Variants in GPR108 observed in about 807,000 individuals in gnomAD.
GPR108 encodes protein GPR108.
In GPR108, 60 loss-of-function variants were observed where a neutral mutation model predicts 74.3. The ratio of observed to expected loss-of-function variants is 0.81; its 90% CI spans 0.66 to 1.00. The LOEUF (loss-of-function observed/expected upper bound fraction) is 1.00. Among genes scored for constraint, GPR108 ranks in the 50% least tolerant of loss-of-function variants. The pLI, the probability that GPR108 is intolerant of heterozygous loss-of-function variation, is 0.00. For missense variants in GPR108, 667 were observed against 703.3 expected (o/e 0.95, Z 0.58); for synonymous variants, 311 against 292.4 (o/e 1.06, Z -0.65).
chr19:6,737,480 G>C lies in GPR108; in HGVS notation c.97C>G (p.Arg33Gly), dbSNP rs1231014849. The part of the protein sequence containing the change: ...LVLLLGGCSG[R>G]IHQLALTGEK... ...ACCGTCAGCGCCAGCTGGTGGATGC[G>C]CCCGGAGCAGCCACCCAGCAGCAGC... is the stretch of plus-strand genomic sequence containing the variant. Residue 33 changes from arginine to glycine, a missense_variant, in exon 1 of 18, where the codon CGC becomes GGC. Transcript: ENST00000264080. The C allele has an allele frequency of 1.3e-6, 2 of 1,586,360 alleles. No individual in the cohort carries two copies.
intron 2 of GPR108, among the ~76,000 whole-genome samples, chr19:6,736,346 C>CT (rs1461474852): frequency 6.6e-6 from 1 of 152,226 alleles, no homozygotes; most frequent in East Asian, 1.9e-4. Context: ...ATCCTCCCAC[C>CT]TTGGCCTCCC....
intron 17 of GPR108, chr19:6,730,657 A>AT (rs1764142339): frequency 3.6e-5 from 13 of 362,942 alleles, no homozygotes; most frequent in South Asian, 3.1e-4. Context: ...CCTTACTGCC[A>AT]TAGCAGCCCA....
intron 1 of GPR108, 180 bp from the exon 2 acceptor site, chr19:6,736,891 A>G: frequency 2.5e-6 from 2 of 789,284 alleles, no homozygotes; most frequent in Non-Finnish European, 3.9e-6. Context: ...GTGGTCCTGC[A>G]TTCTCCGACC....
At position 6,736,639 on chromosome 19, in the gene GPR108, T is replaced by C; in HGVS notation, c.193A>G (p.Ser65Gly). The stretch of plus-strand genomic sequence containing the variant: ...TCCCGGAGGCCCAGCCGCAGGACGC[T>C]CAACTCCACCTCCAGAGAGCCATTG... ...YTNGSLEVEL[S>G]VLRLGLREAE... is the part of the protein sequence containing the mutation. The change falls in exon 2 of 18, where the codon AGC becomes GGC. Residue 65 changes from serine (S) to glycine (G), a missense_variant. By Grantham distance (56) the Ser-to-Gly change is moderately conservative (BLOSUM62 0). Coordinates refer to ENST00000264080, the MANE Select transcript of GPR108 (RefSeq NM_001080452.2). The C allele has an allele frequency of 6.2e-7, 1 of 1,614,052 alleles. No individual in the cohort carries two copies.
Position 6,730,273 on chromosome 19 carries a change from TG to T in GPR108, c.*38del. On this transcript the variant is annotated 3_prime_UTR_variant, in exon 18 of 18. Coordinates refer to ENST00000264080, the MANE Select transcript of GPR108 (RefSeq NM_001080452.2). ...GAAGAAGGGCAGGAGTGAGAAATGCTGGGGGAGGACGACCCTTTGGTCTGAG... is the reference window on the plus strand; with the variant it reads ...GAAGAAGGGCAGGAGTGAGAAATGCTGGGGAGGACGACCCTTTGGTCTGAG... 6.4e-7 allele frequency: 1 copy of T among 1,574,468 alleles called. No homozygotes were observed. Among genetic ancestry groups the T allele is most frequent in the Non-Finnish European group, 8.7e-7 (1 of 1,143,970 alleles).
chr19:6,737,333 G>A, intron 1 of GPR108, 124 bp downstream of exon 1: 1 of 1,242,554 alleles, frequency 8.0e-7, no homozygotes, highest in Non-Finnish European at 1.1e-6. Flanking sequence ...CCGGAAACGG[G>A]GGGCGCCGGA....
chr19:6,730,219 A>AC lies in GPR108; in HGVS notation c.*92dup. 8.1e-7 allele frequency: 1 copy of AC among 1,238,418 alleles called. No individual in the cohort carries two copies. The highest frequency in any genetic ancestry group is 1.2e-5 in the South Asian group (1 of 82,420). 76.7% of individuals were successfully genotyped at this position (1,238,418 alleles called of 1,614,324 possible). On this transcript the variant is annotated 3_prime_UTR_variant, in exon 18 of 18. Coordinates refer to ENST00000264080, the MANE Select transcript of GPR108 (RefSeq NM_001080452.2). ...GGAGCTGGGCGCCTGGTCCACATGGACCCCCTCCACCTCCCCACATACGCT... is the reference window on the plus strand; with the variant it reads ...GGAGCTGGGCGCCTGGTCCACATGGACCCCCCTCCACCTCCCCACATACGCT...
At position 6,732,032 on chromosome 19, in the gene GPR108, CG is replaced by C; in HGVS notation, c.1248del (p.Val417Ter). 1 of 1,613,872 alleles carries C rather than the reference CG, an allele frequency of 6.2e-7. No homozygotes were observed. Among genetic ancestry groups the C allele is most frequent in the Non-Finnish European group, 8.5e-7 (1 of 1,179,984 alleles). On this transcript the variant is annotated frameshift_variant, in exon 13 of 18. Transcript: ENST00000264080. LOFTEE classifies it high-confidence loss of function. ...CGGGGGCAGGGTCCTCACCAGACTA[CG>C]GGGAACAGGATGGCACCACAGCAGA... ...DLICCGAILF[P>X]VVWSIRHLQD... is the part of the protein sequence containing the mutation.
At position 6,737,562 on chromosome 19, in the gene GPR108, C is replaced by T. The variant is rs2145507605; in HGVS notation, c.15G>A (p.Glu5=). 6.6e-7 allele frequency: 1 copy of T among 1,519,404 alleles called. No homozygotes were observed. The highest frequency in any genetic ancestry group is 8.8e-7 in the Non-Finnish European group (1 of 1,139,932). 94.1% of individuals were successfully genotyped at this position (1,519,404 alleles called of 1,614,324 possible). ...GGCTCCCGCGGCCGAGCCCCCTCCTCTCGCTCACTGCCATCTCTGGAGCCA... is the reference window on the plus strand; with the variant it reads ...GGCTCCCGCGGCCGAGCCCCCTCCTTTCGCTCACTGCCATCTCTGGAGCCA... The part of the protein sequence containing the change: MAVS[E]RRGLGRGSPA... The change falls in exon 1 of 18, where the codon GAG becomes GAA. Residue 5 remains glutamate, a synonymous_variant. Transcript: ENST00000264080.
chr19:6,733,641 C>T lies in GPR108; in HGVS notation c.652G>A (p.Gly218Ser). 1 of 1,614,168 alleles carries T rather than the reference C, an allele frequency of 6.2e-7. No individual in the cohort carries two copies. The highest frequency in any genetic ancestry group is 1.6e-4 in the Middle Eastern group (1 of 6,062). Residue 218 changes from glycine (G) to serine (S), a missense_variant, in exon 8 of 18, where the codon GGC (glycine) becomes AGC (serine). Gly to Ser is a moderately conservative substitution (Grantham distance 56). Transcript: ENST00000264080. Reference protein sequence around the residue: ...HVVIGSQAEEGQYSLNFHNCN... With the variant: ...HVVIGSQAEESQYSLNFHNCN... The stretch of plus-strand genomic sequence containing the variant: ...TTGTGGAAGTTCAGGCTGTACTGGC[C>T]TTCTTCCGCCTGAGAGCCGATCACC...
chr19:6,737,297 G>C, intron 1 of GPR108, 160 bp downstream of exon 1: 1 of 935,726 alleles, frequency 1.1e-6, no homozygotes. Context: ...GACCGAAGGG[G>C]ATCCCGGGAC....
Position 6,737,538 on chromosome 19 carries a change from G to T in GPR108, c.39C>A (p.Ser13Arg). The T allele has an allele frequency of 6.4e-7, 1 of 1,552,130 alleles. No homozygotes were observed. ...VSERRGLGRG[S>R]PAEWGQRLLL... is the part of the protein sequence containing the mutation. ...GTAGCCGCTGCCCCCACTCCGCGGG[G>T]CTCCCGCGGCCGAGCCCCCTCCTCT... Residue 13 changes from serine to arginine, a missense_variant, in exon 1 of 18, where the codon AGC becomes AGA. Ser to Arg is a moderately radical substitution (Grantham distance 110, BLOSUM62 -1). Transcript: ENST00000264080.
chr19:6,735,777 T>C, intron 3 of GPR108, 73 bp from the exon 4 acceptor site: 2 of 1,547,924 alleles, frequency 1.3e-6, no homozygotes, highest in African/African-American at 1.4e-5. Context: ...TCTCCCTCCC[T>C]GTCCACCCAC....
At chr19:6,731,694 G>A (rs546034672) in intron 14 of GPR108, among the ~76,000 whole-genome samples, 172 bp from the exon 15 acceptor site, 20 of 152,106 alleles carry the variant, frequency 1.3e-4, no homozygotes, top group African/African-American at 4.3e-4. Context: ...GATCAGAGAG[G>A]AGGGAAGGGC....
intron 17 of GPR108, 64 bp downstream of exon 17, chr19:6,730,921 CGT>C: frequency 6.8e-7 from 1 of 1,478,130 alleles, no homozygotes; most frequent in Non-Finnish European, 9.3e-7. Flanking sequence ...CCACCCTGCC[CGT>C]AGAGCTGCCC....
chr19:6,730,917 TG>T, intron 17 of GPR108, 69 bp downstream of exon 17: 1 of 250,880 alleles, frequency 4.0e-6, no homozygotes. Context: ...CTGCCCACCC[TG>T]CCCGTAGAGC....
chr19:6,737,523 C>G lies in GPR108; in HGVS notation c.54G>C (p.Gly18=), dbSNP rs755418138. The change falls in exon 1 of 18, where the codon GGG becomes GGC. Residue 18 remains glycine (G), a synonymous_variant. Transcript: ENST00000264080. ...GCAGCAGCACCAGAAGTAGCCGCTG[C>G]CCCCACTCCGCGGGGCTCCCGCGGC... ...GLGRGSPAEW[G]QRLLLVLLLG... 3.8e-6 allele frequency: 6 copies of G among 1,571,082 alleles called. No individual in the cohort carries two copies. The highest frequency in any genetic ancestry group is 2.3e-5 in the South Asian group (2 of 88,242).
At chr19:6,734,111 G>C in intron 5 of GPR108, 57 bp from the exon 6 acceptor site, 1 of 1,614,186 alleles carries the variant, frequency 6.2e-7, no homozygotes, top group Admixed American at 1.7e-5. Context: ...AGGGGCAGTG[G>C]GAAAACGGCA....
intron 1 of GPR108, 70 bp downstream of exon 1, chr19:6,737,387 T>G: frequency 2.0e-6 from 3 of 1,530,394 alleles, no homozygotes; most frequent in South Asian, 1.2e-5. Flanking sequence ...ACGAGACCAC[T>G]CCAAGCCAGG....
Sources: gnomAD v4.1 joint callset for allele counts (sites outside exome capture counted in the v4.1 genomes callset) on GRCh38, gnomAD v4.1.1 for gene constraint, MANE v1.5 for transcripts, NCBI Gene and HGNC (gene_info 2026-07-23, HGNC 2026-07-21) for gene names.